ANO5: variants seen among roughly 807,000 people sequenced by gnomAD.
ANO5 encodes anoctamin-5.
In ANO5, 109 loss-of-function variants were observed where a neutral mutation model predicts 121.0. That is an observed-to-expected ratio of 0.90 (90% CI 0.77 to 1.06). The LOEUF (loss-of-function observed/expected upper bound fraction) is 1.06, where lower values mean the gene tolerates loss of function less well. Ranked by LOEUF, ANO5 falls within the 50% of genes least tolerant of loss-of-function variation. ANO5 has a pLI of 0.00. For synonymous variants in ANO5, 406 were observed against 359.9 expected (o/e 1.13, Z -1.45); for missense variants, 1,064 against 1,078.5 (o/e 0.99, Z 0.19).
At chr11:22,253,188 CT>C (rs1659172959) in intron 12 of ANO5, among the ~76,000 whole-genome samples, 2 of 152,106 alleles carry the variant, frequency 1.3e-5, no homozygotes, top group Admixed American at 1.3e-4. Context: ...TCCTGAAATC[CT>C]TTTCAGGGAA....
At chr11:22,249,154 T>C (rs1853717344) in intron 9 of ANO5, among the ~76,000 whole-genome samples, 1 of 151,792 alleles carries the variant, frequency 6.6e-6, no homozygotes, top group African/African-American at 2.4e-5. Flanking sequence ...CTGAAAAGAA[T>C]GAAAAAAGAC....
chr11:22,233,225 C>T (rs75109474), intron 7 of ANO5, among the ~76,000 whole-genome samples: 2,836 of 151,566 alleles, frequency 0.019, 83 homozygotes, highest in African/African-American at 0.065. Flanking sequence ...TTGATACTTA[C>T]ATTCAAAAGT....
intron 2 of ANO5, among the ~76,000 whole-genome samples, chr11:22,207,591 C>G (rs1852156693): frequency 6.6e-6 from 1 of 151,960 alleles, no homozygotes; most frequent in African/African-American, 2.4e-5. Context: ...ATGGATCAAA[C>G]TGTTTGGAAA....
chr11:22,277,137 G>A (rs1232477921), intron 21 of ANO5, among the ~76,000 whole-genome samples: 1 of 151,030 alleles, frequency 6.6e-6, no homozygotes, highest in Non-Finnish European at 1.5e-5. Context: ...TTATTTTTTA[G>A]GTTGAGCTAT....
chr11:22,267,469 C>T (rs529228169), intron 17 of ANO5, among the ~76,000 whole-genome samples: 3 of 148,680 alleles, frequency 2.0e-5, no homozygotes, highest in South Asian at 2.1e-4. Context: ...CTTTTTATGC[C>T]ATATAAACAC....
At chr11:22,208,342 C>G (rs1158561617) in intron 2 of ANO5, among the ~76,000 whole-genome samples, 1 of 151,936 alleles carries the variant, frequency 6.6e-6, no homozygotes, top group African/African-American at 2.4e-5. Flanking sequence ...GTAAAACTAC[C>G]CATCAGTAAA....
intron 7 of ANO5, among the ~76,000 whole-genome samples, chr11:22,234,005 G>C (rs769052883): frequency 6.6e-6 from 1 of 152,026 alleles, no homozygotes; most frequent in Non-Finnish European, 1.5e-5. Flanking sequence ...TTCATCTCCT[G>C]TCATAATTCT....
upstream of ANO5, chr11:22,193,051 G>A: frequency 2.9e-6 from 3 of 1,023,546 alleles, no homozygotes; most frequent in Non-Finnish European, 3.5e-6. Flanking sequence ...GGGACGCAGC[G>A]AAGGGGAAAG....
At chr11:22,225,861 A>T (rs536164637) in intron 5 of ANO5, 123 bp from the exon 6 acceptor site, 2 of 705,388 alleles carry the variant, frequency 2.8e-6, no homozygotes, top group Non-Finnish European at 5.0e-6. Flanking sequence ...GCATTTTTAT[A>T]TACAACCATG....
In ANO5 at chr11:22,233,047, T is replaced by A. The variant is rs559465458; in HGVS notation, c.649-3116T>A. ...TTGACAGTACCATTTGCCACACAGT[T>A]CATCCTAAATTCACCTGGTAATTGA... On this transcript the variant is annotated intron_variant, in intron 7 of 21. Transcript: ENST00000324559. Among the ~76,000 whole-genome samples, 4 of 152,144 alleles carry A rather than the reference T, an allele frequency of 2.6e-5. No homozygotes were observed. The East Asian group carries it at 7.7e-4, about 29-fold the overall frequency.
At chr11:22,192,968 G>A, upstream of ANO5, 3 of 985,104 alleles carry the variant, frequency 3.0e-6, no homozygotes, top group South Asian at 1.4e-4. Flanking sequence ...GGGGGGCGGG[G>A]AGATGGCGGT....
intron 8 of ANO5, among the ~76,000 whole-genome samples, chr11:22,237,613 A>G (rs1428169070): frequency 1.3e-5 from 2 of 151,706 alleles, no homozygotes; most frequent in Non-Finnish European, 2.9e-5. Flanking sequence ...CTGTAATTGA[A>G]CTCCTGGCCA....
intron 1 of ANO5, among the ~76,000 whole-genome samples, chr11:22,196,015 T>A (rs1851800096): frequency 6.6e-6 from 1 of 152,212 alleles, no homozygotes; most frequent in African/African-American, 2.4e-5. Context: ...TTTAGATGTT[T>A]CTTAGCATGT....
chr11:22,270,523 GCA>G, intron 18 of ANO5, 81 bp downstream of exon 18: 1 of 1,578,356 alleles, frequency 6.3e-7, no homozygotes, highest in South Asian at 1.1e-5. Flanking sequence ...TTTCTGCCTT[GCA>G]CATGGTAGGT....
At chr11:22,256,789 C>T (rs534146808) in intron 13 of ANO5, among the ~76,000 whole-genome samples, 25 of 152,052 alleles carry the variant, frequency 1.6e-4, no homozygotes, top group East Asian at 1.9e-4. Context: ...TGTTTAAGGA[C>T]GACCAGAACT....
chr11:22,239,208 A>AT (rs1853339078), intron 8 of ANO5, among the ~76,000 whole-genome samples: 2 of 152,018 alleles, frequency 1.3e-5, no homozygotes, highest in Non-Finnish European at 2.9e-5. Context: ...TTTTTCATCT[A>AT]TAAAAAAAAG....
At chr11:22,263,402 C>T (rs555045502) in intron 17 of ANO5, among the ~76,000 whole-genome samples, 2 of 152,144 alleles carry the variant, frequency 1.3e-5, no homozygotes, top group African/African-American at 4.8e-5. Context: ...AATGCTATAT[C>T]CTCTGCAGTT....
At chr11:22,246,810 C>T (rs1314765942) in intron 9 of ANO5, among the ~76,000 whole-genome samples, 3 of 141,778 alleles carry the variant, frequency 2.1e-5, no homozygotes, top group African/African-American at 8.1e-5. Context: ...GAGCCGAGAT[C>T]GCACCACTAC....
At chr11:22,261,076 A>G (rs1026429091) in intron 15 of ANO5, 1 of 152,214 alleles carries the variant, frequency 6.6e-6, no homozygotes, top group African/African-American at 2.4e-5. Context: ...TTTAAACCTG[A>G]TTGTAAAACA....
Sources: gnomAD v4.1 joint callset for allele counts (sites outside exome capture counted in the v4.1 genomes callset) on GRCh38, gnomAD v4.1.1 for gene constraint, MANE v1.5 for transcripts, NCBI Gene and HGNC (gene_info 2026-07-23, HGNC 2026-07-21) for gene names.